The following TSHZ2 variants were observed in gnomAD, a reference collection of about 807,000 sequenced individuals.
The protein encoded by TSHZ2 is teashirt zinc finger homeobox 2, also known as teashirt homolog 2.
TSHZ2 carries 21 observed loss-of-function variants against 74.4 expected under a neutral mutation model. The observed-to-expected ratio is 0.28, with a 90% CI of 0.20 to 0.41. TSHZ2 has a LOEUF of 0.41. TSHZ2 is among the 10% of genes least tolerant of loss of function. The probability of loss-of-function intolerance (pLI) is 1.00; values close to 1 mark genes in which losing one functional copy is unlikely to be tolerated. For missense variants in TSHZ2, 1,244 were observed against 1,293.5 expected (o/e 0.96, Z 0.59); for synonymous variants, 540 against 515.3 (o/e 1.05, Z -0.65).
chr20:53,297,271 G>A (rs1416874183), intron 2 of TSHZ2, among the ~76,000 whole-genome samples: 1 of 108,586 alleles, frequency 9.2e-6, no homozygotes, highest in Non-Finnish European at 1.8e-5. Flanking sequence ...TTTTTTTTGA[G>A]ACCAGTTCCG....
At chr20:53,036,459 T>G (rs915217822) in intron 1 of TSHZ2, among the ~76,000 whole-genome samples, 1 of 151,534 alleles carries the variant, frequency 6.6e-6, no homozygotes, top group South Asian at 2.1e-4. Context: ...TATACACATA[T>G]GTATTAGAAA....
intron 1 of TSHZ2, among the ~76,000 whole-genome samples, chr20:53,161,749 C>T (rs578052164): frequency 9.9e-5 from 15 of 152,276 alleles, no homozygotes; most frequent in South Asian, 6.2e-4. Context: ...TGCCTCAACA[C>T]GTGGAGATTA....
intron 1 of TSHZ2, among the ~76,000 whole-genome samples, chr20:53,020,948 G>C (rs1568723046): frequency 6.6e-6 from 1 of 152,174 alleles, no homozygotes; most frequent in Non-Finnish European, 1.5e-5. Context: ...TTCCTCATCT[G>C]TAAATGGGGA....
chr20:53,108,249 CAG>C (rs1209357384), intron 1 of TSHZ2, among the ~76,000 whole-genome samples: 1 of 152,140 alleles, frequency 6.6e-6, no homozygotes, highest in Non-Finnish European at 1.5e-5. Context: ...TACACAGAGC[CAG>C]AGAGAGTCTG....
At chr20:53,298,033 G>A (rs1174993688) in intron 2 of TSHZ2, among the ~76,000 whole-genome samples, 1 of 152,206 alleles carries the variant, frequency 6.6e-6, no homozygotes, top group Non-Finnish European at 1.5e-5. Flanking sequence ...TGGATGGGTG[G>A]TGTCTCCAAC....
At chr20:53,012,380 CAG>C (rs1407328952) in intron 1 of TSHZ2, among the ~76,000 whole-genome samples, 2 of 152,182 alleles carry the variant, frequency 1.3e-5, no homozygotes, top group African/African-American at 2.4e-5. Context: ...ATGTGGTCCT[CAG>C]AGCAGGAGTA....
chr20:53,022,120 G>T (rs958873180), intron 1 of TSHZ2, among the ~76,000 whole-genome samples: 1 of 152,170 alleles, frequency 6.6e-6, no homozygotes, highest in African/African-American at 2.4e-5. Context: ...AAACTCAGAG[G>T]TTCCTGGCTG....
chr20:53,085,754 G>GC, intron 1 of TSHZ2, among the ~76,000 whole-genome samples: 1 of 152,124 alleles, frequency 6.6e-6, no homozygotes, highest in Non-Finnish European at 1.5e-5. Context: ...TAAACACTAT[G>GC]CCCCCAGGAT....
chr20:53,479,672 T>C (rs146849381), intron 2 of TSHZ2, among the ~76,000 whole-genome samples: 1 of 152,346 alleles, frequency 6.6e-6, no homozygotes, highest in Admixed American at 6.5e-5. Flanking sequence ...CAGAGTTAAG[T>C]TCTAGCCTCA....
intron 2 of TSHZ2, among the ~76,000 whole-genome samples, chr20:53,452,597 T>C (rs906134820): frequency 6.0e-5 from 5 of 83,278 alleles, no homozygotes; most frequent in Admixed American, 1.3e-4. Flanking sequence ...AGACTCTGTC[T>C]CAAAAAAAAA....
chr20:53,485,959 G>A (rs1436191825), intron 2 of TSHZ2, among the ~76,000 whole-genome samples: 2 of 151,968 alleles, frequency 1.3e-5, no homozygotes, highest in Admixed American at 6.6e-5. Context: ...TCAGATTGTT[G>A]TACAAACATA....
At chr20:53,187,536 C>G (rs1251117854) in intron 1 of TSHZ2, among the ~76,000 whole-genome samples, 1 of 152,136 alleles carries the variant, frequency 6.6e-6, no homozygotes, top group East Asian at 1.9e-4. Context: ...TGGAAGCGAG[C>G]AGTATCATTT....
At chr20:53,347,868 C>T (rs1227249304) in intron 2 of TSHZ2, among the ~76,000 whole-genome samples, 1 of 152,170 alleles carries the variant, frequency 6.6e-6, no homozygotes, top group African/African-American at 2.4e-5. Flanking sequence ...GTATGCAATT[C>T]AGTGGCTTTT....
At chr20:52,981,317 A>G (rs1234788199) in intron 1 of TSHZ2, among the ~76,000 whole-genome samples, 1 of 152,164 alleles carries the variant, frequency 6.6e-6, no homozygotes, top group Non-Finnish European at 1.5e-5. Flanking sequence ...ATTGAAGTTC[A>G]AGTCTCTAGG....
intron 1 of TSHZ2, among the ~76,000 whole-genome samples, chr20:53,143,183 A>G (rs968679203): frequency 6.6e-6 from 1 of 152,208 alleles, no homozygotes; most frequent in Admixed American, 6.5e-5. Flanking sequence ...GGCACAAGAA[A>G]CATTTACTCA....
intron 2 of TSHZ2, among the ~76,000 whole-genome samples, chr20:53,438,937 G>A (rs1192962572): frequency 6.6e-6 from 1 of 152,108 alleles, no homozygotes; most frequent in Non-Finnish European, 1.5e-5. Flanking sequence ...TCCAGCCTGG[G>A]CAACAAGAGT....
At chr20:53,361,889 T>TTGTTGTTGTTTG (rs1981066975) in intron 2 of TSHZ2, among the ~76,000 whole-genome samples, 1 of 146,798 alleles carries the variant, frequency 6.8e-6, no homozygotes, top group South Asian at 2.2e-4. Context: ...TCTTTTGTTG[T>TTGTTGTTGTTTG]TGTTGTTGTT....
At chr20:53,348,623 C>T (rs991752642) in intron 2 of TSHZ2, among the ~76,000 whole-genome samples, 3 of 152,052 alleles carry the variant, frequency 2.0e-5, no homozygotes, top group East Asian at 1.9e-4. Flanking sequence ...CGGGGAGGAT[C>T]GCTGTATGTG....
intron 2 of TSHZ2, among the ~76,000 whole-genome samples, chr20:53,354,599 G>T (rs917154320): frequency 6.6e-6 from 1 of 152,164 alleles, no homozygotes; most frequent in African/African-American, 2.4e-5. Flanking sequence ...TAACAAACAT[G>T]ATTTAATTAT....
Sources: gnomAD v4.1 joint callset for allele counts (sites outside exome capture counted in the v4.1 genomes callset) on GRCh38, gnomAD v4.1.1 for gene constraint, MANE v1.5 for transcripts, NCBI Gene and HGNC (gene_info 2026-07-23, HGNC 2026-07-21) for gene names.